The following ANKHD1 variants were observed in gnomAD, a reference collection of about 807,000 sequenced individuals.
ANKHD1 encodes ankyrin repeat and KH domain containing 1.
In ANKHD1, 31 loss-of-function variants were observed where a neutral mutation model predicts 230.5. The ratio of observed to expected loss-of-function variants is 0.13; its 90% CI spans 0.10 to 0.18. The LOEUF is 0.18. Among genes scored for constraint, ANKHD1 ranks in the 10% least tolerant of loss-of-function variants. The probability of loss-of-function intolerance (pLI) is 1.00; values close to 1 mark genes in which losing one functional copy is unlikely to be tolerated. For missense variants in ANKHD1, 2,256 were observed against 3,071.3 expected, an observed-to-expected ratio of 0.73 and a Z score of 6.27; for synonymous variants, 1,074 against 1,117.6, an observed-to-expected ratio of 0.96 and a Z score of 0.78.
At chr5:140,444,873 G>T (rs1774152741) in intron 5 of ANKHD1, among the ~76,000 whole-genome samples, 3 of 152,004 alleles carry the variant, frequency 2.0e-5, no homozygotes, top group Admixed American at 2.0e-4. Flanking sequence ...TTGCTTTTCT[G>T]GCCTTTTTAT....
intron 1 of ANKHD1, among the ~76,000 whole-genome samples, chr5:140,402,597 G>A (rs528459798): frequency 9.8e-5 from 15 of 152,328 alleles, no homozygotes; most frequent in African/African-American, 3.6e-4. Flanking sequence ...GGTCTTGCCA[G>A]AGTCCCTGCC....
rs1030405187 is a variant in ANKHD1, at chr5:140,458,672, A to G, written c.1290A>G (p.Gln430=). The change falls in exon 8 of 34, where the codon CAA becomes CAG. Residue 430 remains glutamine (Q), a synonymous_variant. Coordinates refer to ENST00000360839, the MANE Select transcript of ANKHD1 (RefSeq NM_017747.3). ...GTTTGCTTTTGGATAGTGGTGCTCA[A>G]GTGAACATGCCTGCAGATTCATTTG... ...VARLLLDSGA[Q]VNMPADSFES... 4 of 1,611,572 alleles carry G rather than the reference A, an allele frequency of 2.5e-6. No individual in the cohort carries two copies. Among genetic ancestry groups the G allele is most frequent in the Admixed American group, 3.3e-5 (2 of 59,734 alleles).
intron 10 of ANKHD1, among the ~76,000 whole-genome samples, chr5:140,474,502 T>G (rs1488068729): frequency 1.3e-5 from 2 of 152,064 alleles, no homozygotes; most frequent in African/African-American, 4.8e-5. Flanking sequence ...TAAAATAAAC[T>G]TAATTTAAAA....
intron 24 of ANKHD1, among the ~76,000 whole-genome samples, chr5:140,515,438 T>G (rs1481893670): frequency 6.6e-6 from 1 of 152,168 alleles, no homozygotes; most frequent in African/African-American, 2.4e-5. Flanking sequence ...TTAAAGACTA[T>G]CCAGAAAAAA....
rs145563046 is a variant in ANKHD1 at position 140,414,493 on chromosome 5, T to A, written c.306+12220T>A. 8.3e-3 allele frequency among the ~76,000 whole-genome samples: 1,267 copies of A among 152,322 alleles called. 19 individuals are homozygous for A. Among genetic ancestry groups the A allele is most frequent in the African/African-American group, 0.029 (1,217 of 41,568 alleles). On this transcript the variant is annotated intron_variant, in intron 1 of 33. Coordinates refer to ENST00000360839, the MANE Select transcript of ANKHD1 (RefSeq NM_017747.3). ...CATATGCTTATTGGCCATTTCTGTA[T>A]CTTTGGTGAAATGTCTATTCAAATC...
intron 10 of ANKHD1, among the ~76,000 whole-genome samples, chr5:140,475,242 G>A (rs1227916935): frequency 1.3e-5 from 2 of 152,084 alleles, no homozygotes; most frequent in African/African-American, 4.8e-5. Flanking sequence ...CAAAACAACA[G>A]GATTAAAGAT....
At chr5:140,508,580 C>T (rs1752632630) in intron 20 of ANKHD1, among the ~76,000 whole-genome samples, 1 of 151,858 alleles carries the variant, frequency 6.6e-6, no homozygotes. Flanking sequence ...ATGGTGAAAC[C>T]CCCGTCTCTA....
At chr5:140,429,637 G>A (rs990722399) in intron 1 of ANKHD1, among the ~76,000 whole-genome samples, 4 of 151,968 alleles carry the variant, frequency 2.6e-5, no homozygotes, top group African/African-American at 4.8e-5. Flanking sequence ...TATATGTAAT[G>A]TACATGTTTT....
chr5:140,446,509 C>T (rs1352442472), intron 6 of ANKHD1, among the ~76,000 whole-genome samples: 2 of 151,912 alleles, frequency 1.3e-5, no homozygotes, highest in Non-Finnish European at 2.9e-5. Context: ...TACAGGCATG[C>T]ACCACCATGC....
At position 140,505,773 on chromosome 5, in the gene ANKHD1, T is replaced by A. The variant is rs1752510101; in HGVS notation, c.3312T>A (p.Val1104=). 2 of 1,613,156 alleles carry A rather than the reference T, an allele frequency of 1.2e-6. No homozygotes were observed. Among genetic ancestry groups the A allele is most frequent in the Non-Finnish European group, 1.7e-6 (2 of 1,179,656 alleles). ...LAATAGHVGV[V]EILLDKGGDI... is the part of the protein sequence containing the mutation. ...CAACAGCAGGGCATGTTGGAGTTGT[T>A]GAAATCCTTTTGGATAAAGGTGGAG... is the stretch of plus-strand genomic sequence containing the variant. The change falls in exon 18 of 34, where the codon GTT becomes GTA. Residue 1104 remains valine (V), a synonymous_variant. Coordinates refer to ENST00000360839, the MANE Select transcript of ANKHD1 (RefSeq NM_017747.3).
At chr5:140,502,040 A>T (rs938952101) in intron 15 of ANKHD1, among the ~76,000 whole-genome samples, 76 of 142,188 alleles carry the variant, frequency 5.3e-4, no homozygotes, top group South Asian at 8.7e-4. Context: ...TATCTCTTTA[A>T]AAAAAAAAAA....
At chr5:140,486,832 G>C (rs766619607) in intron 13 of ANKHD1, 126 bp from the exon 14 acceptor site, 2 of 908,808 alleles carry the variant, frequency 2.2e-6, no homozygotes, top group Non-Finnish European at 3.0e-6. Context: ...TTTAAAAAAA[G>C]CTTCAGGAAA....
rs151105556 is a variant in ANKHD1, at chr5:140,492,759, A to C, written c.2246-3761A>C. On this transcript the variant is annotated intron_variant, in intron 14 of 33. Coordinates refer to ENST00000360839, the MANE Select transcript of ANKHD1 (RefSeq NM_017747.3). ...TAAGGAAATATGAAATCTAGTCTAG[A>C]TCCTTCTGTATATCATGTTTTTTTC... 3.7e-3 allele frequency among the ~76,000 whole-genome samples: 565 copies of C among 152,242 alleles called. 2 individuals carry two copies. Among genetic ancestry groups the C allele is most frequent in the Non-Finnish European group, 7.0e-3 (473 of 68,012 alleles).
At chr5:140,496,402 T>G in intron 14 of ANKHD1, 118 bp from the exon 15 acceptor site, 1 of 1,102,102 alleles carries the variant, frequency 9.1e-7, no homozygotes, top group Non-Finnish European at 1.2e-6. Flanking sequence ...ATAAGGGTTT[T>G]GGGAGGGAGG....
rs746140255 is a variant in ANKHD1, at chr5:140,436,154, A to G, written c.357A>G (p.Lys119=). ...DQEDLDNPVL[K]TTSEIFLSST... ...AAGATCTGGATAACCCAGTGCTTAAAACAACATCAGAGATATTCTTATCAA... is the reference window on the plus strand; with the variant it reads ...AAGATCTGGATAACCCAGTGCTTAAGACAACATCAGAGATATTCTTATCAA... Residue 119 remains lysine, a synonymous_variant, in exon 2 of 34, where the codon AAA becomes AAG. Coordinates refer to ENST00000360839, the MANE Select transcript of ANKHD1 (RefSeq NM_017747.3). 112 of 1,604,174 alleles carry G rather than the reference A, an allele frequency of 7.0e-5. No individual in the cohort carries two copies. Among genetic ancestry groups the G allele is most frequent in the Non-Finnish European group, 9.4e-5 (110 of 1,175,662 alleles).
intron 1 of ANKHD1, among the ~76,000 whole-genome samples, chr5:140,427,977 A>C (rs1486750512): frequency 7.0e-6 from 1 of 143,848 alleles, no homozygotes; most frequent in African/African-American, 2.6e-5. Context: ...CCAGGCAGAG[A>C]CACTCCTCAC....
chr5:140,508,113 A>G, intron 20 of ANKHD1, 115 bp downstream of exon 20: 1 of 1,338,210 alleles, frequency 7.5e-7, no homozygotes, highest in Non-Finnish European at 9.9e-7. Context: ...ACTGATACCA[A>G]TGCAGAGTTG....
chr5:140,470,832 G>T (rs899939550), intron 10 of ANKHD1, among the ~76,000 whole-genome samples: 1 of 151,548 alleles, frequency 6.6e-6, no homozygotes, highest in Non-Finnish European at 1.5e-5. Context: ...TCATCATGTT[G>T]CCCAGGCTAG....
intron 15 of ANKHD1, among the ~76,000 whole-genome samples, chr5:140,502,038 TA>T (rs750983725): frequency 0.016 from 2,137 of 132,438 alleles, 30 homozygotes; most frequent in African/African-American, 0.039. Flanking sequence ...CCTATCTCTT[TA>T]AAAAAAAAAA....
Sources: allele counts gnomAD v4.1 joint callset (sites outside exome capture counted in the v4.1 genomes callset), GRCh38; gene constraint gnomAD v4.1.1; transcripts MANE v1.5; gene names NCBI Gene and HGNC (gene_info 2026-07-23, HGNC 2026-07-21).